ACAP2: variants seen among roughly 807,000 people sequenced by gnomAD.
The protein encoded by ACAP2 is arf-GAP with coiled-coil, ANK repeat and PH domain-containing protein 2.
A neutral mutation model predicts 115.8 loss-of-function variants in ACAP2; 39 were observed. The observed-to-expected ratio is 0.34, with a 90% confidence interval of 0.26 to 0.44. ACAP2 has a LOEUF of 0.44. Among genes scored for constraint, ACAP2 ranks in the 20% least tolerant of loss-of-function variants. The pLI, the probability that ACAP2 is intolerant of heterozygous loss-of-function variation, is 1.00. For missense variants in ACAP2, 662 were observed against 927.6 expected, an observed-to-expected ratio of 0.71 and a Z score of 3.72; for synonymous variants, 289 against 315.8, an observed-to-expected ratio of 0.92 and a Z score of 0.90.
At position 195,396,096 on chromosome 3, in the gene ACAP2, T is replaced by C. The variant is rs543126675; in HGVS notation, c.54-3949A>G. On this transcript the variant is annotated intron_variant, in intron 1 of 22. Coordinates refer to ENST00000326793, the MANE Select transcript of ACAP2 (RefSeq NM_012287.6). ...TGAAACCCCTTCTCTAATAAAAATA[T>C]GAACATTAGCCAGGCGTGGTGGCAG... Among the ~76,000 whole-genome samples the C allele has an allele frequency of 4.6e-5, 7 of 151,480 alleles. No homozygotes were observed. In the East Asian group the frequency reaches 9.8e-4, roughly 21 times the overall value.
intron 20 of ACAP2, among the ~76,000 whole-genome samples, chr3:195,290,833 TA>T (rs1419275376): frequency 2.0e-4 from 26 of 129,582 alleles, no homozygotes; most frequent in African/African-American, 7.5e-4. Flanking sequence ...AATAAATAAA[TA>T]AATAAATAAA....
chr3:195,421,098 T>C (rs9817672), intron 1 of ACAP2, among the ~76,000 whole-genome samples: 40,081 of 152,156 alleles, frequency 0.26, 5,986 homozygotes, highest in East Asian at 0.71. Context: ...TATCTGTTTA[T>C]ATATAATGAA....
intron 2 of ACAP2, among the ~76,000 whole-genome samples, chr3:195,382,268 G>A (rs936645211): frequency 7.9e-5 from 12 of 152,010 alleles, no homozygotes; most frequent in African/African-American, 2.9e-4. Context: ...AACAACAAAA[G>A]TATTTTGGAG....
chr3:195,287,825 C>T (rs542656567), intron 21 of ACAP2, among the ~76,000 whole-genome samples: 72 of 152,190 alleles, frequency 4.7e-4, no homozygotes, highest in African/African-American at 1.6e-3. Flanking sequence ...CCATTTTAGC[C>T]GGGCACGGTG....
Position 195,294,789 on chromosome 3 carries a change from A to C in ACAP2, c.1695T>G (p.Ile565Met). 3 of 1,606,628 alleles carry C rather than the reference A, an allele frequency of 1.9e-6. No homozygotes were observed. Among genetic ancestry groups the C allele is most frequent in the Non-Finnish European group, 2.6e-6 (3 of 1,174,638 alleles). The stretch of plus-strand genomic sequence containing the variant: ...CTCTTCCATCATCAGAGCTCTGCTG[A>C]ATTCCACTGTCATTACTTCTGACTG... ...QSSVRSNDSG[I>M]QQSSDDGRES... Residue 565 changes from isoleucine (I) to methionine (M), a missense_variant, in exon 18 of 23, where the codon ATT becomes ATG. By Grantham distance (10) the Ile-to-Met change is conservative. Coordinates refer to ENST00000326793, the MANE Select transcript of ACAP2 (RefSeq NM_012287.6).
intron 4 of ACAP2, chr3:195,356,145 G>A (rs557209061): frequency 1.7e-4 from 79 of 456,710 alleles, no homozygotes; most frequent in African/African-American, 1.4e-3. Context: ...TCCCCCATGC[G>A]CTCGTAGCAA....
intron 1 of ACAP2, among the ~76,000 whole-genome samples, chr3:195,430,199 AAAG>A (rs754415799): frequency 2.6e-4 from 39 of 152,332 alleles, no homozygotes; most frequent in East Asian, 1.7e-3. Context: ...TTTACTTGAT[AAAG>A]AAGAGACACA....
intron 4 of ACAP2, among the ~76,000 whole-genome samples, chr3:195,362,360 G>C (rs561053802): frequency 6.7e-5 from 10 of 148,226 alleles, no homozygotes; most frequent in Non-Finnish European, 1.3e-4. Flanking sequence ...AAAAACCTGA[G>C]ACCAGATGGC....
intron 1 of ACAP2, chr3:195,412,832 C>A (rs755660957): frequency 4.5e-5 from 20 of 442,396 alleles, no homozygotes; most frequent in South Asian, 3.1e-4. Context: ...ATAAAAAATT[C>A]CTTGAGCACT....
At chr3:195,320,899 G>A (rs1729405115) in intron 9 of ACAP2, 86 bp from the exon 10 acceptor site, 15 of 798,022 alleles carry the variant, frequency 1.9e-5, no homozygotes, top group Middle Eastern at 3.4e-4. Context: ...GAGTTCAAAA[G>A]GAAGAAAAGG....
intron 1 of ACAP2, among the ~76,000 whole-genome samples, chr3:195,396,005 C>T (rs1711738810): frequency 6.6e-6 from 1 of 151,988 alleles, no homozygotes; most frequent in South Asian, 2.1e-4. Context: ...AATCCCAGCA[C>T]TTTGGGAGGC....
rs1218467973 is a variant in ACAP2 at position 195,320,938 on chromosome 3, A to T, written c.745-125T>A. On this transcript the variant is annotated intron_variant, in intron 9 of 22. Transcript: ENST00000326793. ...ATATTAAGACAGTTACAACAATATT[A>T]ATAAGAAAAATGAAGGGGGACTTAA... The T allele has an allele frequency of 1.4e-4, 79 of 557,746 alleles. 2 individuals are homozygous for T. The highest frequency in any genetic ancestry group is 1.3e-5 in the Non-Finnish European group (4 of 312,250). The allele number at this position is 557,746 out of a possible 1,614,324, so 34.5% of individuals were successfully genotyped here.
rs934813070 is a variant in ACAP2 at position 195,416,669 on chromosome 3, T to C, written c.54-24522A>G. 3.3e-5 allele frequency among the ~76,000 whole-genome samples: 5 copies of C among 152,138 alleles called. No homozygotes were observed. In the East Asian group the frequency reaches 7.7e-4, roughly 24 times the overall value. ...TTCACAAAGAAAAATAGGAAATGAA[T>C]ATCCAGAAGACAATGGATAACTGCA... On this transcript the variant is annotated intron_variant, in intron 1 of 22. Coordinates refer to ENST00000326793, the MANE Select transcript of ACAP2 (RefSeq NM_012287.6).
chr3:195,435,810 A>C (rs1180967016), intron 1 of ACAP2, among the ~76,000 whole-genome samples: 1 of 152,162 alleles, frequency 6.6e-6, no homozygotes, highest in Non-Finnish European at 1.5e-5. Flanking sequence ...ACTCGAGAAG[A>C]ATGTGAATTC....
intron 10 of ACAP2, among the ~76,000 whole-genome samples, chr3:195,311,094 TTTTTTTTTG>T (rs1560229377): frequency 8.9e-5 from 4 of 45,162 alleles, no homozygotes; most frequent in East Asian, 1.7e-3. Context: ...GTTTTTTTGT[TTTTTTTTTG>T]TTTTTTTTTT....
chr3:195,376,898 T>C (rs1415384235), intron 4 of ACAP2, among the ~76,000 whole-genome samples: 2 of 152,172 alleles, frequency 1.3e-5, no homozygotes, highest in African/African-American at 2.4e-5. Flanking sequence ...ACACTATTTA[T>C]TATCTTTTAG....
At chr3:195,300,824 C>A (rs1413806998) in intron 15 of ACAP2, among the ~76,000 whole-genome samples, 1 of 152,122 alleles carries the variant, frequency 6.6e-6, no homozygotes, top group Non-Finnish European at 1.5e-5. Context: ...CAAGGCCAGT[C>A]TGGGCAACAT....
chr3:195,436,895 C>T (rs1295311763), intron 1 of ACAP2, among the ~76,000 whole-genome samples: 5 of 152,036 alleles, frequency 3.3e-5, no homozygotes, highest in African/African-American at 1.2e-4. Context: ...AACTAAGACC[C>T]AGTTGCATTA....
intron 21 of ACAP2, 66 bp from the exon 22 acceptor site, chr3:195,285,923 T>C: frequency 8.3e-7 from 1 of 1,211,178 alleles, no homozygotes; most frequent in Non-Finnish European, 1.2e-6. Flanking sequence ...ATAAAGTCTA[T>C]AAACAGGTAA....
Sources: allele counts gnomAD v4.1 joint callset (sites outside exome capture counted in the v4.1 genomes callset), GRCh38; gene constraint gnomAD v4.1.1; transcripts MANE v1.5; gene names NCBI Gene and HGNC (gene_info 2026-07-23, HGNC 2026-07-21).